The following MAP2K6 variants were observed in gnomAD, a reference collection of about 807,000 sequenced individuals.
MAP2K6 encodes mitogen-activated protein kinase kinase 6.
A neutral mutation model predicts 53.7 loss-of-function variants in MAP2K6; 16 were observed. The ratio of observed to expected loss-of-function variants is 0.30; its 90% CI spans 0.20 to 0.45. MAP2K6 has a LOEUF of 0.45. Ranked by LOEUF, MAP2K6 falls within the 20% of genes least tolerant of loss-of-function variation. The probability of loss-of-function intolerance (pLI) is 1.00; values close to 1 mark genes in which losing one functional copy is unlikely to be tolerated. For missense variants in MAP2K6, 204 were observed against 411.9 expected, an observed-to-expected ratio of 0.50 and a Z score of 4.37; for synonymous variants, 132 against 143.1, an observed-to-expected ratio of 0.92 and a Z score of 0.55.
At chr17:69,492,663 C>G (rs777574016) in intron 1 of MAP2K6, among the ~76,000 whole-genome samples, 3 of 152,186 alleles carry the variant, frequency 2.0e-5, no homozygotes, top group Non-Finnish European at 2.9e-5. Flanking sequence ...ACCAAAGTCT[C>G]TGACTCAGCC....
intron 2 of MAP2K6, 88 bp from the exon 3 acceptor site, chr17:69,516,766 GA>G: frequency 1.1e-6 from 1 of 919,916 alleles, no homozygotes; most frequent in Non-Finnish European, 1.7e-6. Context: ...TCTTCTTAAG[GA>G]AAAAATATCC....
At chr17:69,424,545 C>T (rs1906203659) in intron 1 of MAP2K6, among the ~76,000 whole-genome samples, 1 of 152,196 alleles carries the variant, frequency 6.6e-6, no homozygotes, top group African/African-American at 2.4e-5. Context: ...CCGATAGTGG[C>T]AGAGCAGAGG....
intron 1 of MAP2K6, among the ~76,000 whole-genome samples, chr17:69,449,531 G>GTCTTTCTTTCTTTT (rs1555602226): frequency 9.7e-6 from 1 of 103,386 alleles, no homozygotes; most frequent in Non-Finnish European, 1.8e-5. Context: ...TTCTTTCTTT[G>GTCTTTCTTTCTTTT]TCTTTCTTTC....
At chr17:69,467,463 A>G (rs1907851278) in intron 1 of MAP2K6, among the ~76,000 whole-genome samples, 1 of 152,192 alleles carries the variant, frequency 6.6e-6, no homozygotes, top group Admixed American at 6.5e-5. Flanking sequence ...TGGGAGGAGA[A>G]TGGATTGTAT....
chr17:69,465,722 A>G (rs1907775598), intron 1 of MAP2K6, among the ~76,000 whole-genome samples: 1 of 151,128 alleles, frequency 6.6e-6, no homozygotes, highest in Admixed American at 6.6e-5. Context: ...TGAGTTCAAG[A>G]GATTTTCCTG....
intron 1 of MAP2K6, among the ~76,000 whole-genome samples, chr17:69,461,738 C>T (rs772379839): frequency 2.0e-5 from 3 of 152,140 alleles, no homozygotes; most frequent in African/African-American, 7.2e-5. Context: ...GCATCCTCGT[C>T]CCAAGTCTAA....
intron 1 of MAP2K6, among the ~76,000 whole-genome samples, chr17:69,437,616 G>T (rs1252336647): frequency 6.6e-6 from 1 of 152,200 alleles, no homozygotes; most frequent in Non-Finnish European, 1.5e-5. Flanking sequence ...TGATTTTAGA[G>T]TATACAATTC....
Position 69,543,148 on chromosome 17 carries a change from A to G in MAP2K6, c.*1395A>G, listed in dbSNP as rs1336272308. The G allele has an allele frequency of 2.0e-5, 3 of 152,178 alleles. No homozygotes were observed. Among genetic ancestry groups the G allele is most frequent in the Admixed American group, 6.5e-5 (1 of 15,278 alleles). The allele number at this position is 152,178 out of a possible 1,614,324, so 9.4% of individuals were successfully genotyped here. A position where few individuals can be genotyped will look rare whatever the true frequency, so the allele number is the denominator to read the frequency against. Reference sequence around the variant, plus strand: ...AGGTTTCTTGATGATCAAGGAGTGAAGTAATTGACAGGGAAAATATAGACC... The same window carrying G: ...AGGTTTCTTGATGATCAAGGAGTGAGGTAATTGACAGGGAAAATATAGACC... On this transcript the variant is annotated 3_prime_UTR_variant, in exon 12 of 12. Coordinates refer to ENST00000590474, the MANE Select transcript of MAP2K6 (RefSeq NM_002758.4).
Position 69,549,861 on chromosome 17 carries a change from G to A in MAP2K6, c.*8108G>A, listed in dbSNP as rs1216219663. 6.6e-6 allele frequency: 1 copy of A among 151,994 alleles called. No individual in the cohort carries two copies. The highest frequency in any genetic ancestry group is 6.6e-5 in the Admixed American group (1 of 15,256). The allele number at this position is 151,994 out of a possible 1,614,324, so 9.4% of individuals were successfully genotyped here. A position where few individuals can be genotyped will look rare whatever the true frequency, so the allele number is the denominator to read the frequency against. On this transcript the variant is annotated 3_prime_UTR_variant, in exon 12 of 12. Transcript: ENST00000590474. ...CTTAGGGGATTGTTGCTGGACTTTG[G>A]AATATAAGGCTGAACAGTGATGTGA...
chr17:69,415,708 CTTGGGGGAAAATA>C (rs1905878279), intron 1 of MAP2K6, among the ~76,000 whole-genome samples: 1 of 152,010 alleles, frequency 6.6e-6, no homozygotes, highest in Admixed American at 6.6e-5. Context: ...TGCTTTGCAT[CTTGGGGGAAAATA>C]TTGGGGGTAA....
intron 1 of MAP2K6, among the ~76,000 whole-genome samples, chr17:69,496,289 T>C (rs1459724795): frequency 1.3e-5 from 2 of 151,034 alleles, no homozygotes; most frequent in Non-Finnish European, 3.0e-5. Flanking sequence ...TTTTTTTTTT[T>C]GAGAGGGAGT....
intron 1 of MAP2K6, among the ~76,000 whole-genome samples, chr17:69,493,307 T>TTGTGTGTGTGTGTG (rs3216905): frequency 1.3e-5 from 2 of 150,364 alleles, no homozygotes; most frequent in African/African-American, 4.9e-5. Context: ...GTGTATGTGT[T>TTGTGTGTGTGTGTG]TGTGTGTGTG....
At chr17:69,462,994 G>T (rs1257621800) in intron 1 of MAP2K6, among the ~76,000 whole-genome samples, 1 of 147,842 alleles carries the variant, frequency 6.8e-6, no homozygotes, top group Non-Finnish European at 1.5e-5. Flanking sequence ...AGCACGCAGG[G>T]TGCTTTCTGG....
At chr17:69,519,732 T>A in intron 5 of MAP2K6, 1 of 299,674 alleles carries the variant, frequency 3.3e-6, no homozygotes, top group Middle Eastern at 1.0e-3. Flanking sequence ...AGATCTCTTA[T>A]AATTTGAAAT....
intron 1 of MAP2K6, among the ~76,000 whole-genome samples, chr17:69,465,167 A>G (rs1435550161): frequency 6.7e-6 from 1 of 149,472 alleles, no homozygotes. Flanking sequence ...TTAAGTTGCA[A>G]TCTATGCATA....
chr17:69,463,042 C>T (rs750333433), intron 1 of MAP2K6, among the ~76,000 whole-genome samples: 107 of 147,476 alleles, frequency 7.3e-4, no homozygotes, highest in Admixed American at 1.3e-3. Context: ...CTGACTCCTT[C>T]ACGGTAATGG....
At chr17:69,453,254 A>G (rs1194545083) in intron 1 of MAP2K6, among the ~76,000 whole-genome samples, 2 of 152,250 alleles carry the variant, frequency 1.3e-5, no homozygotes, top group Admixed American at 1.3e-4. Context: ...GAAAGGCCAC[A>G]TAGTAAATAT....
chr17:69,429,123 C>A (rs946363403), intron 1 of MAP2K6, among the ~76,000 whole-genome samples: 1 of 151,844 alleles, frequency 6.6e-6, no homozygotes, highest in African/African-American at 2.4e-5. Flanking sequence ...TGGTCCTAGT[C>A]CTACTGGGAC....
chr17:69,492,686 T>C (rs1567838151), intron 1 of MAP2K6, among the ~76,000 whole-genome samples: 1 of 152,126 alleles, frequency 6.6e-6, no homozygotes. Context: ...CGCCTCTCCT[T>C]CTCCTCTCTG....
Sources: gnomAD v4.1 joint callset for allele counts (sites outside exome capture counted in the v4.1 genomes callset) on GRCh38, gnomAD v4.1.1 for gene constraint, MANE v1.5 for transcripts, NCBI Gene and HGNC (gene_info 2026-07-23, HGNC 2026-07-21) for gene names.